The following DLGAP2 variants were observed in gnomAD, a reference collection of about 807,000 sequenced individuals.
The protein encoded by DLGAP2 is DLG associated protein 2, also known as disks large-associated protein 2.
DLGAP2 carries 26 observed loss-of-function variants against 100.3 expected under a neutral mutation model. The observed-to-expected ratio is 0.26, with a 90% CI of 0.19 to 0.36. The LOEUF (loss-of-function observed/expected upper bound fraction) is 0.36. Ranked by LOEUF, DLGAP2 falls within the 10% of genes least tolerant of loss-of-function variation. DLGAP2 has a pLI of 1.00. For synonymous variants in DLGAP2, 886 were observed against 630.1 expected (o/e 1.41, Z -6.08); for missense variants, 1,858 against 1,453.2 (o/e 1.28, Z -4.53).
chr8:738,053 C>T (rs2132550536), intron 1 of DLGAP2: 2 of 286,408 alleles, frequency 7.0e-6, no homozygotes, highest in East Asian at 6.0e-5. Context: ...CCGCGCATCC[C>T]TGGCCGCGCT....
chr8:881,960 C>A (rs999797621), intron 1 of DLGAP2, among the ~76,000 whole-genome samples: 1 of 152,200 alleles, frequency 6.6e-6, no homozygotes, highest in African/African-American at 2.4e-5. Context: ...GAGTCCCCTG[C>A]CATGCAAACT....
intron 8 of DLGAP2, among the ~76,000 whole-genome samples, chr8:1,665,125 T>C (rs1474829589): frequency 6.6e-6 from 1 of 152,230 alleles, no homozygotes; most frequent in Non-Finnish European, 1.5e-5. Flanking sequence ...CCTGTGATCA[T>C]GGAGATAAGT....
At chr8:1,306,074 CAAAAAAA>C (rs61647224) in intron 3 of DLGAP2, among the ~76,000 whole-genome samples, 1 of 116,448 alleles carries the variant, frequency 8.6e-6, no homozygotes, top group African/African-American at 3.1e-5. Flanking sequence ...AGAAATTAGG[CAAAAAAA>C]AAAAAAAAAA....
chr8:1,602,063 T>C (rs527337274), intron 6 of DLGAP2, among the ~76,000 whole-genome samples: 104 of 151,826 alleles, frequency 6.8e-4, no homozygotes, highest in African/African-American at 2.4e-3. Context: ...ATCCCAGACT[T>C]GGGCCATGCA....
At chr8:1,294,969 A>G (rs1007921662) in intron 3 of DLGAP2, among the ~76,000 whole-genome samples, 2 of 152,164 alleles carry the variant, frequency 1.3e-5, no homozygotes, top group African/African-American at 4.8e-5. Context: ...AGATTTTACA[A>G]GATATTTAAA....
intron 2 of DLGAP2, among the ~76,000 whole-genome samples, chr8:1,177,938 A>T (rs1182093638): frequency 6.6e-6 from 1 of 152,200 alleles, no homozygotes; most frequent in Non-Finnish European, 1.5e-5. Flanking sequence ...TTCAGGAAGC[A>T]CCAGCTGAGG....
In DLGAP2 at chr8:1,657,798, T is replaced by G. The variant is rs188333301; in HGVS notation, c.1811-10531T>G. 2.8e-3 allele frequency among the ~76,000 whole-genome samples: 420 copies of G among 152,312 alleles called. 1 individual carries two copies. The highest frequency in any genetic ancestry group is 3.1e-3 in the Non-Finnish European group (209 of 68,020). On this transcript the variant is annotated intron_variant, in intron 8 of 14. Coordinates refer to ENST00000637795, the MANE Select transcript of DLGAP2 (RefSeq NM_001346810.2). Reference sequence around the variant, plus strand: ...ACTGATAATTTTTAAAATATAGAAATCAAATATTGCCAATATAAGGAAAAT... The same window carrying G: ...ACTGATAATTTTTAAAATATAGAAAGCAAATATTGCCAATATAAGGAAAAT...
Position 1,239,567 on chromosome 8 carries a change from C to G in DLGAP2, c.74-19284C>G, listed in dbSNP as rs1220135465. 2.3e-3 allele frequency among the ~76,000 whole-genome samples: 277 copies of G among 120,758 alleles called. 5 individuals carry two copies. Among genetic ancestry groups the G allele is most frequent in the Non-Finnish European group, 3.5e-3 (211 of 60,132 alleles). 79.2% of individuals were successfully genotyped at this position (120,758 alleles called of 152,430 possible). A position where few individuals can be genotyped will look rare whatever the true frequency, so the allele number is the denominator to read the frequency against. ...CTCACATGGCGCCGTGTCTGGTTCT[C>G]TCACATGGCGCCGTGTCTAGTTACC... On this transcript the variant is annotated intron_variant, in intron 2 of 14. Coordinates refer to ENST00000637795, the MANE Select transcript of DLGAP2 (RefSeq NM_001346810.2).
chr8:1,586,539 G>A (rs1031797536), intron 6 of DLGAP2, among the ~76,000 whole-genome samples: 2 of 152,156 alleles, frequency 1.3e-5, no homozygotes, highest in Non-Finnish European at 1.5e-5. Context: ...TCACTACCCC[G>A]GGGTCTGCTG....
At chr8:1,187,752 C>G (rs1466773980) in intron 2 of DLGAP2, among the ~76,000 whole-genome samples, 51 of 118,626 alleles carry the variant, frequency 4.3e-4, no homozygotes, top group African/African-American at 1.7e-3. Context: ...CGTGACGTTT[C>G]CCTCACGGAA....
At chr8:1,033,391 T>G (rs541702654) in intron 2 of DLGAP2, among the ~76,000 whole-genome samples, 3 of 151,762 alleles carry the variant, frequency 2.0e-5, no homozygotes, top group South Asian at 2.1e-4. Context: ...GGGTTGGGGG[T>G]GGTGGTGGCT....
chr8:1,143,660 A>G (rs1267599919), intron 2 of DLGAP2, among the ~76,000 whole-genome samples: 3 of 152,142 alleles, frequency 2.0e-5, no homozygotes, highest in African/African-American at 7.2e-5. Context: ...TCCTTCCCTC[A>G]CCCACGCTCC....
chr8:873,698 A>G (rs1797640083), intron 1 of DLGAP2, among the ~76,000 whole-genome samples: 1 of 152,182 alleles, frequency 6.6e-6, no homozygotes, highest in East Asian at 1.9e-4. Flanking sequence ...AAAATGAATT[A>G]GGAAGTACCT....
intron 4 of DLGAP2, among the ~76,000 whole-genome samples, chr8:1,516,848 T>C (rs935473687): frequency 1.3e-5 from 2 of 152,342 alleles, no homozygotes; most frequent in East Asian, 1.9e-4. Flanking sequence ...TTTTTTGTGC[T>C]GAAATTAGTT....
At chr8:1,544,955 T>C (rs1801484745) in intron 4 of DLGAP2, among the ~76,000 whole-genome samples, 1 of 152,146 alleles carries the variant, frequency 6.6e-6, no homozygotes, top group African/African-American at 2.4e-5. Context: ...ATGGTCTCGA[T>C]CTCTTGACCT....
At chr8:1,409,938 C>G (rs1660981472) in intron 3 of DLGAP2, among the ~76,000 whole-genome samples, 1 of 152,222 alleles carries the variant, frequency 6.6e-6, no homozygotes, top group African/African-American at 2.4e-5. Context: ...CCTCCATAAT[C>G]ATATGATCCA....
At chr8:860,724 T>C (rs1797372608) in intron 1 of DLGAP2, among the ~76,000 whole-genome samples, 1 of 152,196 alleles carries the variant, frequency 6.6e-6, no homozygotes, top group Non-Finnish European at 1.5e-5. Flanking sequence ...CACAAAAACA[T>C]AATCGTGTGC....
intron 3 of DLGAP2, among the ~76,000 whole-genome samples, chr8:1,496,976 C>G (rs1234994473): frequency 6.6e-6 from 1 of 152,010 alleles, no homozygotes; most frequent in African/African-American, 2.4e-5. Flanking sequence ...GGTCTCCAGT[C>G]ACACGTTATG....
At chr8:1,444,358 C>T (rs1157034967) in intron 3 of DLGAP2, among the ~76,000 whole-genome samples, 3 of 152,178 alleles carry the variant, frequency 2.0e-5, no homozygotes, top group African/African-American at 7.2e-5. Flanking sequence ...ACAACACTAC[C>T]AAATACTCAA....
Sources: gnomAD v4.1 joint callset for allele counts (sites outside exome capture counted in the v4.1 genomes callset) on GRCh38, gnomAD v4.1.1 for gene constraint, MANE v1.5 for transcripts, NCBI Gene and HGNC (gene_info 2026-07-23, HGNC 2026-07-21) for gene names.